Variants in CNTN5 observed in about 807,000 individuals in gnomAD.
CNTN5 encodes the protein contactin-5.
A neutral mutation model predicts 129.1 loss-of-function variants in CNTN5; 77 were observed. That is an observed-to-expected ratio of 0.60 (90% confidence interval 0.50 to 0.72). The LOEUF (loss-of-function observed/expected upper bound fraction) is 0.72, where lower values mean the gene tolerates loss of function less well. Among genes scored for constraint, CNTN5 ranks in the 30% least tolerant of loss-of-function variants. CNTN5 has a pLI of 0.00. For synonymous variants in CNTN5, 509 were observed against 465.6 expected (o/e 1.09, Z -1.20); for missense variants, 1,478 against 1,328.8 (o/e 1.11, Z -1.75).
intron 1 of CNTN5, among the ~76,000 whole-genome samples, chr11:99,240,389 A>G (rs1039381099): frequency 4.6e-5 from 7 of 151,974 alleles, no homozygotes; most frequent in East Asian, 3.9e-4. Flanking sequence ...TCCTCACTCT[A>G]TCTACAAAAT....
chr11:100,277,493 T>A (rs1371775837), intron 18 of CNTN5, among the ~76,000 whole-genome samples: 3 of 152,180 alleles, frequency 2.0e-5, no homozygotes, highest in African/African-American at 7.2e-5. Context: ...TGTTATTGCC[T>A]GTCTTTTGAA....
At chr11:99,624,083 T>C (rs1951047748) in intron 3 of CNTN5, among the ~76,000 whole-genome samples, 1 of 152,092 alleles carries the variant, frequency 6.6e-6, no homozygotes. Flanking sequence ...TGAACCCTCA[T>C]TTGGTTTATC....
chr11:99,707,917 C>T (rs1954821869), intron 3 of CNTN5, among the ~76,000 whole-genome samples: 2 of 151,560 alleles, frequency 1.3e-5, no homozygotes, highest in East Asian at 1.9e-4. Context: ...TAATAACACA[C>T]ATAAATACTT....
intron 1 of CNTN5, among the ~76,000 whole-genome samples, chr11:99,080,012 C>A (rs1865725892): frequency 6.6e-6 from 1 of 152,194 alleles, no homozygotes; most frequent in Non-Finnish European, 1.5e-5. Context: ...TTACATTCCA[C>A]ATGTGTAACA....
At chr11:100,122,697 T>C (rs1369724758) in intron 13 of CNTN5, among the ~76,000 whole-genome samples, 1 of 151,904 alleles carries the variant, frequency 6.6e-6, no homozygotes, top group Non-Finnish European at 1.5e-5. Flanking sequence ...ATTCTGATGG[T>C]GTAGTTAGTG....
intron 6 of CNTN5, among the ~76,000 whole-genome samples, chr11:99,892,710 T>C (rs1272803139): frequency 2.0e-5 from 3 of 152,204 alleles, no homozygotes. Flanking sequence ...ACCAGTACCA[T>C]GCTGTTTTTG....
intron 10 of CNTN5, among the ~76,000 whole-genome samples, chr11:100,064,022 C>T (rs12281493): frequency 0.075 from 11,388 of 152,048 alleles, 517 homozygotes; most frequent in East Asian, 0.19. Flanking sequence ...CAGTCATTTC[C>T]ACCTGACTGG....
chr11:99,280,511 A>G (rs1208129228), intron 1 of CNTN5, among the ~76,000 whole-genome samples: 1 of 151,780 alleles, frequency 6.6e-6, no homozygotes, highest in African/African-American at 2.4e-5. Flanking sequence ...AAAAAATTCA[A>G]TTGCCAGCAA....
At chr11:99,757,908 G>T (rs537616246) in intron 3 of CNTN5, among the ~76,000 whole-genome samples, 38 of 151,978 alleles carry the variant, frequency 2.5e-4, no homozygotes, top group African/African-American at 3.4e-4. Flanking sequence ...CGCACAGAAG[G>T]TTCTAAAAAT....
intron 8 of CNTN5, among the ~76,000 whole-genome samples, chr11:99,989,388 T>C (rs574959393): frequency 6.6e-6 from 1 of 152,174 alleles, no homozygotes; most frequent in Non-Finnish European, 1.5e-5. Flanking sequence ...TTGTTGAATA[T>C]TTGATTTGTC....
chr11:99,393,441 C>A (rs558790753), intron 2 of CNTN5, among the ~76,000 whole-genome samples: 1 of 151,768 alleles, frequency 6.6e-6, no homozygotes, highest in Non-Finnish European at 1.5e-5. Flanking sequence ...ATTGTTTATT[C>A]TCACAACTGT....
At chr11:99,904,840 G>A (rs1761886429) in intron 6 of CNTN5, among the ~76,000 whole-genome samples, 1 of 152,152 alleles carries the variant, frequency 6.6e-6, no homozygotes, top group Admixed American at 6.5e-5. Context: ...CATTCTAAAT[G>A]GCATGAGATG....
intron 18 of CNTN5, among the ~76,000 whole-genome samples, chr11:100,282,403 A>G (rs1471847941): frequency 6.6e-6 from 1 of 152,104 alleles, no homozygotes; most frequent in Non-Finnish European, 1.5e-5. Flanking sequence ...CCAGGCAGAG[A>G]CTCTTGTTCT....
chr11:99,045,805 C>G (rs144567783), intron 1 of CNTN5, among the ~76,000 whole-genome samples: 1 of 152,084 alleles, frequency 6.6e-6, no homozygotes, highest in East Asian at 1.9e-4. Context: ...TCTCACTGGG[C>G]AAATAACCCA....
At position 100,013,633 on chromosome 11, in the gene CNTN5, C is replaced by A. The variant is rs1469711965; in HGVS notation, c.980+11497C>A. ...TAGGCAAATTATGTATCCCATTTGA[C>A]CTGTTTCCTTATTTTGAACTCTCAC... is the stretch of plus-strand genomic sequence containing the variant. On this transcript the variant is annotated intron_variant, in intron 9 of 24. Transcript: ENST00000524871. 4.3e-4 allele frequency among the ~76,000 whole-genome samples: 65 copies of A among 152,230 alleles called. 1 individual carries two copies. The highest frequency in any genetic ancestry group is 4.1e-4 in the South Asian group (2 of 4,828).
chr11:99,435,377 G>A (rs575675072), intron 2 of CNTN5, among the ~76,000 whole-genome samples: 34 of 152,302 alleles, frequency 2.2e-4, no homozygotes, highest in South Asian at 1.7e-3. Flanking sequence ...TTGCCCATGA[G>A]GTGATTCAGG....
At chr11:99,326,430 C>T (rs1865789651) in intron 2 of CNTN5, among the ~76,000 whole-genome samples, 1 of 152,138 alleles carries the variant, frequency 6.6e-6, no homozygotes, top group Non-Finnish European at 1.5e-5. Context: ...AGAGGAGTTT[C>T]CTCATCCTAC....
intron 1 of CNTN5, among the ~76,000 whole-genome samples, chr11:99,085,658 G>A (rs1591167038): frequency 6.6e-6 from 1 of 151,930 alleles, no homozygotes; most frequent in South Asian, 2.1e-4. Context: ...TGTTATTTTG[G>A]AATACCATTT....
intron 3 of CNTN5, among the ~76,000 whole-genome samples, chr11:99,682,572 C>G (rs1953605213): frequency 6.6e-6 from 1 of 151,910 alleles, no homozygotes; most frequent in African/African-American, 2.4e-5. Flanking sequence ...AAATATAATT[C>G]AAACAGAAAG....
Sources: gnomAD v4.1 joint callset for allele counts (sites outside exome capture counted in the v4.1 genomes callset) on GRCh38, gnomAD v4.1.1 for gene constraint, MANE v1.5 for transcripts, NCBI Gene and HGNC (gene_info 2026-07-23, HGNC 2026-07-21) for gene names.